DTL: variants seen among roughly 807,000 people sequenced by gnomAD.
DTL encodes the protein denticleless protein homolog.
In DTL, 46 loss-of-function variants were observed where a neutral mutation model predicts 87.0. The observed-to-expected ratio is 0.53, with a 90% confidence interval of 0.42 to 0.68. The LOEUF (loss-of-function observed/expected upper bound fraction) is 0.68. DTL is among the 30% of genes least tolerant of loss of function. The pLI, the probability that DTL is intolerant of heterozygous loss-of-function variation, is 0.00. For synonymous variants in DTL, 308 were observed against 311.2 expected (o/e 0.99, Z 0.11); for missense variants, 737 against 869.4 (o/e 0.85, Z 1.91).
chr1:212,052,111 A>G (rs1668002992), intron 5 of DTL: 5 of 702,828 alleles, frequency 7.1e-6, no homozygotes, highest in East Asian at 2.7e-5. Context: ...TTGTTCCACT[A>G]TCATCTCTGC....
Position 212,075,198 on chromosome 1 carries a change from A to G in DTL, c.1036-2975A>G, listed in dbSNP as rs78851971. Among the ~76,000 whole-genome samples the G allele has an allele frequency of 4.3e-3, 653 of 152,320 alleles. 3 individuals are homozygous for G. The highest frequency in any genetic ancestry group is 0.015 in the African/African-American group (622 of 41,576). On this transcript the variant is annotated intron_variant, in intron 11 of 14. Coordinates refer to ENST00000366991, the MANE Select transcript of DTL (RefSeq NM_016448.4). ...AGATTTTGTGAGGAAAAGTGCTGAT[A>G]TTCTTTGTATGTTTCAGTACACAAA...
rs1655608954 is a variant in DTL at position 212,101,059 on chromosome 1, A to G, written c.2069A>G (p.Gln690Arg). 2.5e-6 allele frequency: 4 copies of G among 1,610,182 alleles called. No individual in the cohort carries two copies. The highest frequency in any genetic ancestry group is 2.7e-5 in the African/African-American group (2 of 74,918). ...TCCCAGACACCCAATTCCAGGAGAC[A>G]GAGCGGAAAGAAATTGCCAAGCCCG... is the stretch of plus-strand genomic sequence containing the variant. ...PSSQTPNSRR[Q>R]SGKKLPSPVT... Residue 690 changes from glutamine to arginine, a missense_variant, in exon 14 of 15, where the codon CAG becomes CGG. Physicochemically the swap from Gln to Arg is conservative, Grantham distance 43 (BLOSUM62 1). Coordinates refer to ENST00000366991, the MANE Select transcript of DTL (RefSeq NM_016448.4).
chr1:212,055,801 A>C (rs1024351013), intron 5 of DTL, among the ~76,000 whole-genome samples: 11 of 152,138 alleles, frequency 7.2e-5, no homozygotes, highest in African/African-American at 2.7e-4. Context: ...AGGGTCACTG[A>C]GGGCAGTTCC....
intron 13 of DTL, among the ~76,000 whole-genome samples, chr1:212,097,761 A>G (rs1466944556): frequency 6.6e-6 from 1 of 152,136 alleles, no homozygotes; most frequent in African/African-American, 2.4e-5. Context: ...ATTGCTGGTA[A>G]GCTAGTATAA....
intron 11 of DTL, among the ~76,000 whole-genome samples, chr1:212,072,760 C>CTTTT (rs368207666): frequency 1.8e-4 from 23 of 124,766 alleles, no homozygotes; most frequent in African/African-American, 2.6e-4. Flanking sequence ...ATTTACTAAT[C>CTTTT]TTTTTTTTTT....
intron 7 of DTL, 82 bp from the exon 8 acceptor site, chr1:212,066,730 G>T: frequency 8.1e-7 from 1 of 1,229,374 alleles, no homozygotes; most frequent in Non-Finnish European, 1.2e-6. Context: ...GGGGAGAAAA[G>T]TCGTTTTTTA....
chr1:212,072,955 C>G (rs1250141406), intron 11 of DTL, among the ~76,000 whole-genome samples: 1 of 151,866 alleles, frequency 6.6e-6, no homozygotes, highest in Middle Eastern at 3.2e-3. Flanking sequence ...TTAGTAGAGA[C>G]GGGGTTTCAC....
At chr1:212,101,364 C>G (rs1213546097) in intron 14 of DTL, among the ~76,000 whole-genome samples, 1 of 152,094 alleles carries the variant, frequency 6.6e-6, no homozygotes, top group Non-Finnish European at 1.5e-5. Context: ...ATTAAAATCC[C>G]TCCTGTCAGG....
chr1:212,072,151 C>T lies in DTL; in HGVS notation c.973C>T (p.Leu325Phe). Residue 325 changes from leucine to phenylalanine, a missense_variant, in exon 11 of 15, where the codon CTT becomes TTT. Coordinates refer to ENST00000366991, the MANE Select transcript of DTL (RefSeq NM_016448.4). ...CTCTACCTTTTATGTAAAATCCAGCCTTAGTCCAGATGACCAGTTTTTAGT... is the reference window on the plus strand; with the variant it reads ...CTCTACCTTTTATGTAAAATCCAGCTTTAGTCCAGATGACCAGTTTTTAGT... ...QNSTFYVKSS[L>F]SPDDQFLVSG... is the part of the protein sequence containing the mutation. 6.2e-7 allele frequency: 1 copy of T among 1,614,086 alleles called. No individual in the cohort carries two copies. Among genetic ancestry groups the T allele is most frequent in the Non-Finnish European group, 8.5e-7 (1 of 1,179,984 alleles).
chr1:212,075,851 C>A (rs959656158), intron 11 of DTL, among the ~76,000 whole-genome samples: 12 of 152,072 alleles, frequency 7.9e-5, no homozygotes, highest in African/African-American at 2.9e-4. Flanking sequence ...AGAAAAAAAC[C>A]CGTGTCCTTT....
Position 212,104,725 on chromosome 1 carries a change from T to G in DTL, c.*1785T>G, listed in dbSNP as rs1415866368. 2.6e-5 allele frequency: 4 copies of G among 152,306 alleles called. No individual in the cohort carries two copies. The highest frequency in any genetic ancestry group is 7.2e-5 in the African/African-American group (3 of 41,568). The allele number at this position is 152,306 out of a possible 1,614,324, so 9.4% of individuals were successfully genotyped here. A position where few individuals can be genotyped will look rare whatever the true frequency, so the allele number is the denominator to read the frequency against. On this transcript the variant is annotated 3_prime_UTR_variant, in exon 15 of 15. Coordinates refer to ENST00000366991, the MANE Select transcript of DTL (RefSeq NM_016448.4). ...CCGAGTCTACTGGGTATAACATGTCTCACTTGGAAAGCTAGTACTTTTAAA... is the reference window on the plus strand; with the variant it reads ...CCGAGTCTACTGGGTATAACATGTCGCACTTGGAAAGCTAGTACTTTTAAA...
intron 3 of DTL, among the ~76,000 whole-genome samples, chr1:212,046,068 G>C (rs1667801100): frequency 6.6e-6 from 1 of 152,016 alleles, no homozygotes. Flanking sequence ...TAGCCACTGT[G>C]CCCAGCCAGT....
At chr1:212,081,768 TAAG>T (rs571935551) in intron 13 of DTL, among the ~76,000 whole-genome samples, 177 of 152,264 alleles carry the variant, frequency 1.2e-3, no homozygotes, top group African/African-American at 4.1e-3. Context: ...AGATTTTGCT[TAAG>T]AAGCTGAAAA....
chr1:212,063,094 G>A (rs1654381444), intron 6 of DTL, 145 bp downstream of exon 6: 2 of 650,080 alleles, frequency 3.1e-6, no homozygotes, highest in Admixed American at 2.4e-5. Flanking sequence ...CAGATCTCAG[G>A]ATCTTCACTG....
intron 14 of DTL, among the ~76,000 whole-genome samples, chr1:212,101,387 C>T (rs183669915): frequency 1.4e-4 from 21 of 152,280 alleles, no homozygotes; most frequent in Admixed American, 1.4e-3. Flanking sequence ...CCATACTCCT[C>T]AGCCCTGTTG....
intron 5 of DTL, among the ~76,000 whole-genome samples, chr1:212,050,968 CTT>C (rs1667953456): frequency 1.3e-5 from 2 of 152,108 alleles, no homozygotes; most frequent in Middle Eastern, 3.4e-3. Context: ...CAATAAAAGT[CTT>C]TGCTTAGAAT....
chr1:212,076,550 T>C (rs906702295), intron 11 of DTL, among the ~76,000 whole-genome samples: 3 of 9,850 alleles, frequency 3.0e-4, no homozygotes, highest in Non-Finnish European at 4.1e-4. Context: ...ACCAATATCA[T>C]GAAATTAAAA....
chr1:212,082,912 A>G (rs1050207525), intron 13 of DTL, among the ~76,000 whole-genome samples: 1 of 152,234 alleles, frequency 6.6e-6, no homozygotes, highest in Non-Finnish European at 1.5e-5. Flanking sequence ...TGTGTTTGCT[A>G]TGCAAGTACA....
chr1:212,050,877 AATT>A (rs1667950896), intron 5 of DTL, among the ~76,000 whole-genome samples: 1 of 152,114 alleles, frequency 6.6e-6, no homozygotes, highest in African/African-American at 2.4e-5. Flanking sequence ...TTAATTATCT[AATT>A]ATCAGAAAGC....
Sources: gnomAD v4.1 joint callset for allele counts (sites outside exome capture counted in the v4.1 genomes callset) on GRCh38, gnomAD v4.1.1 for gene constraint, MANE v1.5 for transcripts, NCBI Gene and HGNC (gene_info 2026-07-23, HGNC 2026-07-21) for gene names.